The following SLC13A1 variants were observed in gnomAD, a reference collection of about 807,000 sequenced individuals.
The protein encoded by SLC13A1 is Na(+)/sulfate cotransporter.
A neutral mutation model predicts 70.0 loss-of-function variants in SLC13A1; 65 were observed. The ratio of observed to expected loss-of-function variants is 0.93; its 90% CI spans 0.76 to 1.14. The LOEUF is 1.14. SLC13A1 is among the 50% of genes most tolerant of loss of function. SLC13A1 has a pLI of 0.00. For missense variants in SLC13A1, 726 were observed against 717.8 expected, an observed-to-expected ratio of 1.01 and a Z score of -0.13; for synonymous variants, 275 against 250.5, an observed-to-expected ratio of 1.10 and a Z score of -0.92.
chr7:123,128,507 A>G (rs906927130), intron 10 of SLC13A1, among the ~76,000 whole-genome samples: 3 of 152,094 alleles, frequency 2.0e-5, no homozygotes, highest in African/African-American at 7.2e-5. Context: ...TCTGAAATCT[A>G]TGCTCCCAAC....
intron 8 of SLC13A1, among the ~76,000 whole-genome samples, chr7:123,130,792 CA>C (rs1793730805): frequency 6.6e-6 from 1 of 152,094 alleles, no homozygotes; most frequent in Non-Finnish European, 1.5e-5. Context: ...GTCCTAATAG[CA>C]CCCACAACAT....
At chr7:123,131,446 T>C (rs1484440978) in intron 8 of SLC13A1, among the ~76,000 whole-genome samples, 3 of 152,174 alleles carry the variant, frequency 2.0e-5, no homozygotes, top group African/African-American at 4.8e-5. Context: ...GAAAGCCAAA[T>C]TGGCATTGCT....
intron 6 of SLC13A1, among the ~76,000 whole-genome samples, chr7:123,158,049 G>A (rs1794769927): frequency 6.6e-6 from 1 of 152,032 alleles, no homozygotes; most frequent in African/African-American, 2.4e-5. Context: ...CTTACAAGAA[G>A]CTGCAACATA....
chr7:123,177,595 C>T lies in SLC13A1; in HGVS notation c.228+3378G>A, dbSNP rs140334504. ...ATTCTCCTTTTTAGTTACTCTTTTC[C>T]AATTACACTGCAGATATACCTGCAA... On this transcript the variant is annotated intron_variant, in intron 2 of 14. Coordinates refer to ENST00000194130, the MANE Select transcript of SLC13A1 (RefSeq NM_022444.4). Among the ~76,000 whole-genome samples, 708 of 152,136 alleles carry T rather than the reference C, an allele frequency of 4.7e-3. 4 individuals carry two copies. Among genetic ancestry groups the T allele is most frequent in the African/African-American group, 0.016 (667 of 41,524 alleles).
chr7:123,128,491 T>A (rs1793640428), intron 10 of SLC13A1, among the ~76,000 whole-genome samples: 1 of 150,912 alleles, frequency 6.6e-6, no homozygotes, highest in African/African-American at 2.5e-5. Context: ...ACCCAAGCAG[T>A]GTGGCTCTGA....
At chr7:123,177,662 T>C (rs1386022785) in intron 2 of SLC13A1, among the ~76,000 whole-genome samples, 1 of 152,144 alleles carries the variant, frequency 6.6e-6, no homozygotes, top group Non-Finnish European at 1.5e-5. Flanking sequence ...GCAATAGTCA[T>C]GCTCCAAATA....
At chr7:123,118,381 C>T (rs1314278362) in intron 13 of SLC13A1, among the ~76,000 whole-genome samples, 1 of 152,140 alleles carries the variant, frequency 6.6e-6, no homozygotes, top group African/African-American at 2.4e-5. Context: ...AGCTTATGAA[C>T]ACCAACATAT....
chr7:123,153,488 C>T (rs374666666), intron 6 of SLC13A1, among the ~76,000 whole-genome samples: 2 of 151,730 alleles, frequency 1.3e-5, no homozygotes, highest in African/African-American at 2.4e-5. Context: ...TTATTTTTAC[C>T]GAGTGCTTGT....
At chr7:123,173,072 G>GA (rs1196358777) in intron 2 of SLC13A1, among the ~76,000 whole-genome samples, 1 of 152,038 alleles carries the variant, frequency 6.6e-6, no homozygotes, top group Non-Finnish European at 1.5e-5. Flanking sequence ...AGGCTGTGCT[G>GA]AAAGAGGATT....
At chr7:123,153,374 T>A (rs1794616374) in intron 6 of SLC13A1, among the ~76,000 whole-genome samples, 1 of 152,066 alleles carries the variant, frequency 6.6e-6, no homozygotes, top group South Asian at 2.1e-4. Context: ...TATATCATAA[T>A]GCAAATTAAA....
chr7:123,157,220 G>T (rs953536944), intron 6 of SLC13A1, among the ~76,000 whole-genome samples: 2 of 152,134 alleles, frequency 1.3e-5, no homozygotes, highest in South Asian at 2.1e-4. Flanking sequence ...TCTTCATGAA[G>T]ATCTAGTGAA....
At chr7:123,173,337 A>C (rs2116572495) in intron 2 of SLC13A1, among the ~76,000 whole-genome samples, 1 of 152,296 alleles carries the variant, frequency 6.6e-6, no homozygotes, top group East Asian at 1.9e-4. Flanking sequence ...ATTTTATAAA[A>C]TGTTCATTTA....
chr7:123,133,287 T>G (rs904163610), intron 8 of SLC13A1, among the ~76,000 whole-genome samples: 1 of 152,148 alleles, frequency 6.6e-6, no homozygotes, highest in African/African-American at 2.4e-5. Context: ...CTCAGATCTT[T>G]ATTGTACTTG....
chr7:123,129,120 G>C (rs1326127976), intron 9 of SLC13A1, among the ~76,000 whole-genome samples, 174 bp from the exon 10 acceptor site: 3 of 152,028 alleles, frequency 2.0e-5, no homozygotes, highest in Non-Finnish European at 4.4e-5. Flanking sequence ...TCTCCTCTTT[G>C]GGGTCTCTCA....
In SLC13A1 at chr7:123,139,594, A is replaced by G. The variant is rs561376168; in HGVS notation, c.813-5065T>C. ...GTGTCCTATTCAATTTCTTTCATCCATGTTTTATAGTTTATATTACAGAGA... is the reference window on the plus strand; with the variant it reads ...GTGTCCTATTCAATTTCTTTCATCCGTGTTTTATAGTTTATATTACAGAGA... On this transcript the variant is annotated intron_variant, in intron 7 of 14. Transcript: ENST00000194130. Among the ~76,000 whole-genome samples, 25 of 151,388 alleles carry G rather than the reference A, an allele frequency of 1.7e-4. No homozygotes were observed. The South Asian group carries it at 5.2e-3, about 32-fold the overall frequency.
At chr7:123,166,370 A>G (rs1004110958) in intron 6 of SLC13A1, among the ~76,000 whole-genome samples, 1 of 148,390 alleles carries the variant, frequency 6.7e-6, no homozygotes, top group Non-Finnish European at 1.5e-5. Flanking sequence ...GCCAATTTTC[A>G]TAACAGCTTT....
chr7:123,154,298 A>G (rs1794647580), intron 6 of SLC13A1, among the ~76,000 whole-genome samples: 3 of 152,136 alleles, frequency 2.0e-5, no homozygotes, highest in Admixed American at 2.0e-4. Flanking sequence ...TCTGTCTACC[A>G]TACATGTGGA....
intron 12 of SLC13A1, among the ~76,000 whole-genome samples, chr7:123,121,550 G>T (rs1585285955): frequency 6.6e-6 from 1 of 151,940 alleles, no homozygotes; most frequent in South Asian, 2.1e-4. Flanking sequence ...CAATTTTAAT[G>T]GATATCTGAA....
chr7:123,172,503 T>C (rs1795308877), intron 2 of SLC13A1, among the ~76,000 whole-genome samples: 1 of 152,142 alleles, frequency 6.6e-6, no homozygotes, highest in Non-Finnish European at 1.5e-5. Flanking sequence ...ATGACTGCAA[T>C]CCCAGCTACT....
Sources: allele counts gnomAD v4.1 joint callset (sites outside exome capture counted in the v4.1 genomes callset), GRCh38; gene constraint gnomAD v4.1.1; transcripts MANE v1.5; gene names NCBI Gene and HGNC (gene_info 2026-07-23, HGNC 2026-07-21).